The following ITFG1 variants were observed in gnomAD, a reference collection of about 807,000 sequenced individuals.
The protein encoded by ITFG1 is integrin alpha FG-GAP repeat containing 1.
In ITFG1, 34 loss-of-function variants were observed where a neutral mutation model predicts 81.8. That is an observed-to-expected ratio of 0.42 (90% confidence interval 0.32 to 0.55). The LOEUF (loss-of-function observed/expected upper bound fraction) is 0.55. Among genes scored for constraint, ITFG1 ranks in the 20% least tolerant of loss-of-function variants. The pLI is 0.17. For missense variants in ITFG1, 672 were observed against 755.4 expected, an observed-to-expected ratio of 0.89 and a Z score of 1.29; for synonymous variants, 285 against 270.6, an observed-to-expected ratio of 1.05 and a Z score of -0.52.
Position 47,157,869 on chromosome 16 carries a change from A to G in ITFG1, c.1779+1004T>C, listed in dbSNP as rs112370488. On this transcript the variant is annotated intron_variant, in intron 17 of 17. Transcript: ENST00000320640. ...AAAACACCTTTCTTTGGGGCCACAA[A>G]GCAGCCCTTTTTTGAGGGCATTGAT... Among the ~76,000 whole-genome samples the G allele has an allele frequency of 2.0e-3, 311 of 152,352 alleles. 4 individuals carry two copies. Among genetic ancestry groups the G allele is most frequent in the African/African-American group, 7.1e-3 (296 of 41,584 alleles).
intron 8 of ITFG1, among the ~76,000 whole-genome samples, chr16:47,344,971 G>C (rs1247131895): frequency 6.6e-6 from 1 of 152,100 alleles, no homozygotes; most frequent in Non-Finnish European, 1.5e-5. Context: ...TTCATCTGTT[G>C]ATGGACATTT....
intron 14 of ITFG1, among the ~76,000 whole-genome samples, chr16:47,179,706 TA>T (rs1965079521): frequency 6.6e-6 from 1 of 152,198 alleles, no homozygotes; most frequent in Non-Finnish European, 1.5e-5. Flanking sequence ...TAATACCTTT[TA>T]AAAGTATGTG....
At chr16:47,187,581 C>G (rs946732344) in intron 14 of ITFG1, among the ~76,000 whole-genome samples, 1 of 152,042 alleles carries the variant, frequency 6.6e-6, no homozygotes, top group Non-Finnish European at 1.5e-5. Flanking sequence ...GAAACTGGAT[C>G]CCTTCCTTAC....
intron 12 of ITFG1, among the ~76,000 whole-genome samples, chr16:47,250,528 A>T (rs895840151): frequency 9.9e-5 from 15 of 152,150 alleles, no homozygotes; most frequent in African/African-American, 3.6e-4. Context: ...AGGTATACAT[A>T]TACTAAAATA....
At position 47,218,889 on chromosome 16, in the gene ITFG1, C is replaced by A. The variant is rs1432265790; in HGVS notation, c.1432G>T (p.Gly478Trp). The A allele has an allele frequency of 3.1e-6, 5 of 1,596,168 alleles. No homozygotes were observed. Among genetic ancestry groups the A allele is most frequent in the African/African-American group, 2.7e-5 (2 of 73,932 alleles). ...TTACCTGATCCATTTTTCAGATACC[C>A]ATTTGCATCTACAGTTGTATACATG... ...YIMYTTVDAN[G>W]YLKNGSAGQL... Residue 478 changes from glycine to tryptophan, a missense_variant, in exon 14 of 18, where the codon GGG becomes TGG. Physicochemically the swap from Gly to Trp is radical, Grantham distance 184 (BLOSUM62 -2). Around this residue, in one of 3 missense-constraint regions of ITFG1, gnomAD observed 560 missense variants for 625.7 expected, o/e 0.90. Transcript: ENST00000320640.
intron 8 of ITFG1, among the ~76,000 whole-genome samples, chr16:47,338,767 G>A (rs1218703500): frequency 1.3e-5 from 2 of 151,284 alleles, no homozygotes; most frequent in East Asian, 1.9e-4. Flanking sequence ...ATCACATCAG[G>A]GTAAATGGGG....
intron 14 of ITFG1, among the ~76,000 whole-genome samples, chr16:47,176,466 A>C (rs1448901394): frequency 6.6e-6 from 1 of 152,234 alleles, no homozygotes; most frequent in African/African-American, 2.4e-5. Flanking sequence ...TCTGAAAGAA[A>C]AATATATTCA....
At chr16:47,345,357 G>C (rs1408587744) in intron 8 of ITFG1, among the ~76,000 whole-genome samples, 3 of 151,476 alleles carry the variant, frequency 2.0e-5, no homozygotes, top group Non-Finnish European at 4.4e-5. Flanking sequence ...CTGGAGTGCA[G>C]TGGCACTATC....
At chr16:47,343,041 A>G (rs1967805311) in intron 8 of ITFG1, among the ~76,000 whole-genome samples, 1 of 152,148 alleles carries the variant, frequency 6.6e-6, no homozygotes, top group African/African-American at 2.4e-5. Context: ...AATGAAAACA[A>G]TTCTGAAGTA....
intron 14 of ITFG1, among the ~76,000 whole-genome samples, chr16:47,174,529 GT>G (rs974089477): frequency 1.1e-4 from 16 of 151,842 alleles, no homozygotes; most frequent in Non-Finnish European, 1.5e-4. Flanking sequence ...AGGTTTTTAT[GT>G]TTTTTTTAGA....
At chr16:47,205,387 C>T (rs1472519133) in intron 14 of ITFG1, among the ~76,000 whole-genome samples, 3 of 152,204 alleles carry the variant, frequency 2.0e-5, no homozygotes, top group Admixed American at 2.0e-4. Context: ...TTGAGAACCA[C>T]TGGTCCAAAG....
intron 10 of ITFG1, among the ~76,000 whole-genome samples, chr16:47,309,296 T>C (rs559090809): frequency 6.6e-6 from 1 of 152,008 alleles, no homozygotes; most frequent in African/African-American, 2.4e-5. Context: ...CTCCTCGATC[T>C]CTTGACCTCA....
At chr16:47,360,503 A>G (rs1012141593) in intron 8 of ITFG1, among the ~76,000 whole-genome samples, 1 of 152,200 alleles carries the variant, frequency 6.6e-6, no homozygotes, top group African/African-American at 2.4e-5. Context: ...CCAAAAGCCA[A>G]TCTTAAATGA....
At chr16:47,314,815 G>T (rs191877921) in intron 8 of ITFG1, among the ~76,000 whole-genome samples, 5 of 152,176 alleles carry the variant, frequency 3.3e-5, no homozygotes, top group Non-Finnish European at 1.5e-5. Flanking sequence ...CGTGCCTGAG[G>T]TAGTATATAC....
intron 10 of ITFG1, among the ~76,000 whole-genome samples, chr16:47,289,638 A>G (rs1438540659): frequency 2.0e-5 from 3 of 152,082 alleles, no homozygotes; most frequent in Non-Finnish European, 4.4e-5. Context: ...GTTGGCATAT[A>G]GTTGTTTGTA....
intron 12 of ITFG1, among the ~76,000 whole-genome samples, chr16:47,250,873 G>C: frequency 6.6e-6 from 1 of 152,236 alleles, no homozygotes; most frequent in Non-Finnish European, 1.5e-5. Flanking sequence ...TGCGGCAGCT[G>C]AGAGGGGAAA....
chr16:47,197,243 A>T (rs1032689417), intron 14 of ITFG1, among the ~76,000 whole-genome samples: 1 of 152,208 alleles, frequency 6.6e-6, no homozygotes, highest in African/African-American at 2.4e-5. Flanking sequence ...TTAAGGTCTG[A>T]AAACAGTTAG....
chr16:47,357,463 C>G (rs1386409118), intron 8 of ITFG1, among the ~76,000 whole-genome samples: 1 of 151,178 alleles, frequency 6.6e-6, no homozygotes. Flanking sequence ...AAATACAAAA[C>G]AATTAGCCGG....
At chr16:47,289,003 C>T (rs1966881504) in intron 10 of ITFG1, among the ~76,000 whole-genome samples, 1 of 152,126 alleles carries the variant, frequency 6.6e-6, no homozygotes, top group African/African-American at 2.4e-5. Context: ...CATATATATC[C>T]TTTACTATGT....
Sources: gnomAD v4.1 joint callset for allele counts (sites outside exome capture counted in the v4.1 genomes callset) on GRCh38, gnomAD v4.1.1 for gene constraint, gnomAD v4.1.1 regional missense constraint, MANE v1.5 for transcripts, NCBI Gene and HGNC (gene_info 2026-07-23, HGNC 2026-07-21) for gene names.